The following CDH20 variants were observed in gnomAD, a reference collection of about 807,000 sequenced individuals.
CDH20 encodes cadherin 20, also known as cadherin-20.
Under a neutral mutation model 74.2 loss-of-function variants are expected in CDH20, and 29 were observed. That is an observed-to-expected ratio of 0.39 (90% CI 0.29 to 0.53). The LOEUF (loss-of-function observed/expected upper bound fraction) is 0.53. CDH20 is among the 20% of genes least tolerant of loss of function. CDH20 has a pLI of 0.69. For missense variants in CDH20, 988 were observed against 1,048.3 expected (o/e 0.94, Z 0.79); for synonymous variants, 469 against 405.4 (o/e 1.16, Z -1.88).
intron 5 of CDH20, among the ~76,000 whole-genome samples, chr18:61,503,876 A>C (rs1911471766): frequency 6.6e-6 from 1 of 152,246 alleles, no homozygotes; most frequent in Non-Finnish European, 1.5e-5. Flanking sequence ...CATAGGCAGA[A>C]AAGAAAACAT....
chr18:61,417,578 T>TAGAAAAAAAAAAAAAAAA (rs1848195411), intron 1 of CDH20, among the ~76,000 whole-genome samples: 1 of 62,364 alleles, frequency 1.6e-5, no homozygotes, highest in African/African-American at 8.0e-5. Context: ...ATGTGGGAGC[T>TAGAAAAAAAAAAAAAAAA]AAAAAAAAAA....
rs1911271965 is a variant in CDH20 at position 61,499,171 on chromosome 18, G to A, written c.247-15G>A. 6.6e-7 allele frequency: 1 copy of A among 1,517,858 alleles called. No individual in the cohort carries two copies. Among genetic ancestry groups the A allele is most frequent in the Non-Finnish European group, 8.8e-7 (1 of 1,131,004 alleles). 94.0% of individuals were successfully genotyped at this position (1,517,858 alleles called of 1,614,324 possible). On this transcript the variant is annotated splice_polypyrimidine_tract_variant and intron_variant, in intron 2 of 11. Coordinates refer to ENST00000262717, the MANE Select transcript of CDH20 (RefSeq NM_031891.4). ...TTGACATTCATGATGAGAATTAGGT[G>A]CTTTCCTCTCCCAGCTTCATTCAGA...
chr18:61,356,889 G>A lies in CDH20; in HGVS notation c.-153+23062G>A, dbSNP rs183004007. ...TTTAAACATCTGCAAGCTAAAAGGA[G>A]ATACCCAAGTATCCCTATACTGCTG... On this transcript the variant is annotated intron_variant, in intron 1 of 11. Transcript: ENST00000262717. 9.9e-4 allele frequency among the ~76,000 whole-genome samples: 150 copies of A among 152,270 alleles called. 2 individuals carry two copies. The highest frequency in any genetic ancestry group is 3.5e-3 in the African/African-American group (146 of 41,562).
At chr18:61,411,154 C>G (rs1016602397) in intron 1 of CDH20, among the ~76,000 whole-genome samples, 1 of 149,910 alleles carries the variant, frequency 6.7e-6, no homozygotes, top group African/African-American at 2.5e-5. Flanking sequence ...AGCCGAGATA[C>G]GCCACTGCAC....
intron 1 of CDH20, among the ~76,000 whole-genome samples, chr18:61,482,983 A>T (rs671788): frequency 0.99 from 151,068 of 152,334 alleles, 74,924 homozygotes; most frequent in Middle Eastern, 1. Flanking sequence ...ATTATTATTA[A>T]TCTCCCAGAC....
At chr18:61,472,345 C>T (rs975733363) in intron 1 of CDH20, among the ~76,000 whole-genome samples, 7 of 151,756 alleles carry the variant, frequency 4.6e-5, no homozygotes, top group Admixed American at 3.3e-4. Context: ...GAAGGAAAAC[C>T]TTCTTCCCTC....
intron 1 of CDH20, among the ~76,000 whole-genome samples, chr18:61,413,939 T>C (rs1912598983): frequency 6.6e-6 from 1 of 152,158 alleles, no homozygotes; most frequent in Admixed American, 6.5e-5. Flanking sequence ...AAAAATTAGG[T>C]TGTCAAGAAA....
intron 1 of CDH20, among the ~76,000 whole-genome samples, chr18:61,346,800 C>T (rs534527522): frequency 5.9e-5 from 9 of 152,144 alleles, no homozygotes; most frequent in Non-Finnish European, 1.5e-5. Flanking sequence ...CAGCTGAACA[C>T]AGGTAAGCCC....
At chr18:61,514,921 T>C (rs1434462885) in intron 6 of CDH20, among the ~76,000 whole-genome samples, 1 of 151,454 alleles carries the variant, frequency 6.6e-6, no homozygotes, top group African/African-American at 2.4e-5. Flanking sequence ...GACAGGGACA[T>C]TTAAGTCTGC....
Position 61,390,487 on chromosome 18 carries a change from A to G in CDH20, c.-153+56660A>G, listed in dbSNP as rs184699084. On this transcript the variant is annotated intron_variant, in intron 1 of 11. Transcript: ENST00000262717. ...TTGTATAAGTTGGGAAAATAATTCTAAAATCCATTTTGAAGAATAAATATT... is the reference window on the plus strand; with the variant it reads ...TTGTATAAGTTGGGAAAATAATTCTGAAATCCATTTTGAAGAATAAATATT... 2.4e-3 allele frequency among the ~76,000 whole-genome samples: 365 copies of G among 152,322 alleles called. 1 individual carries two copies. The highest frequency in any genetic ancestry group is 8.6e-3 in the African/African-American group (358 of 41,588).
At chr18:61,349,426 T>C (rs1385124983) in intron 1 of CDH20, among the ~76,000 whole-genome samples, 1 of 152,168 alleles carries the variant, frequency 6.6e-6, no homozygotes, top group Non-Finnish European at 1.5e-5. Context: ...ATATGAGACA[T>C]CCAGGAAATA....
At chr18:61,408,997 A>C (rs2144243165) in intron 1 of CDH20, among the ~76,000 whole-genome samples, 1 of 152,326 alleles carries the variant, frequency 6.6e-6, no homozygotes, top group South Asian at 2.1e-4. Flanking sequence ...AGTAAGCACA[A>C]ATTTAATCAG....
intron 1 of CDH20, among the ~76,000 whole-genome samples, chr18:61,363,178 G>A (rs765871844): frequency 4.9e-4 from 75 of 152,246 alleles, no homozygotes; most frequent in Middle Eastern, 3.4e-3. Flanking sequence ...AAAGTTTACC[G>A]TCTAGCTTGG....
At chr18:61,429,675 C>T (rs1039848114) in intron 1 of CDH20, among the ~76,000 whole-genome samples, 20 of 152,180 alleles carry the variant, frequency 1.3e-4, no homozygotes, top group South Asian at 4.1e-4. Flanking sequence ...TGGACAGCCT[C>T]GTCTCCCCTG....
intron 1 of CDH20, among the ~76,000 whole-genome samples, chr18:61,375,997 C>T (rs1240508822): frequency 1.3e-5 from 2 of 152,086 alleles, no homozygotes; most frequent in Non-Finnish European, 2.9e-5. Flanking sequence ...TTTAAAATAA[C>T]ACCTAATAGT....
intron 1 of CDH20, among the ~76,000 whole-genome samples, chr18:61,485,037 C>T (rs1312144954): frequency 1.3e-5 from 2 of 152,068 alleles, no homozygotes; most frequent in Admixed American, 1.3e-4. Context: ...AACTTTTAGC[C>T]TCAGGAGTGC....
intron 1 of CDH20, among the ~76,000 whole-genome samples, chr18:61,391,304 T>C (rs926784441): frequency 1.2e-4 from 18 of 152,252 alleles, no homozygotes; most frequent in African/African-American, 3.6e-4. Context: ...ATTAAAAAGA[T>C]TGACAATACA....
At chr18:61,430,035 T>C (rs556280087) in intron 1 of CDH20, among the ~76,000 whole-genome samples, 1 of 151,152 alleles carries the variant, frequency 6.6e-6, no homozygotes, top group South Asian at 2.1e-4. Flanking sequence ...CTCTATGGAG[T>C]GGCTCAGCAA....
chr18:61,384,853 G>T (rs1329405719), intron 1 of CDH20, among the ~76,000 whole-genome samples: 1 of 152,168 alleles, frequency 6.6e-6, no homozygotes, highest in East Asian at 1.9e-4. Flanking sequence ...TTAGTATTAA[G>T]CGTGATATGA....
Sources: allele counts gnomAD v4.1 joint callset (sites outside exome capture counted in the v4.1 genomes callset), GRCh38; gene constraint gnomAD v4.1.1; transcripts MANE v1.5; gene names NCBI Gene and HGNC (gene_info 2026-07-23, HGNC 2026-07-21).